Variants in ROBO1 observed in about 807,000 individuals in gnomAD.
ROBO1 encodes roundabout guidance receptor 1.
Under a neutral mutation model 195.9 loss-of-function variants are expected in ROBO1, and 149 were observed. The ratio of observed to expected loss-of-function variants is 0.76; its 90% CI spans 0.67 to 0.87. The LOEUF is 0.87. Among genes scored for constraint, ROBO1 ranks in the 40% least tolerant of loss-of-function variants. ROBO1 has a pLI of 0.00. For synonymous variants in ROBO1, 816 were observed against 733.2 expected (o/e 1.11, Z -1.82); for missense variants, 1,933 against 2,068.3 (o/e 0.93, Z 1.27).
intron 4 of ROBO1, among the ~76,000 whole-genome samples, chr3:78,878,461 T>C (rs915527989): frequency 6.6e-6 from 1 of 151,648 alleles, no homozygotes; most frequent in African/African-American, 2.4e-5. Context: ...GGTGGGTGCC[T>C]GTAATTCCAG....
At chr3:79,395,925 G>T (rs933099867) in intron 2 of ROBO1, among the ~76,000 whole-genome samples, 1 of 151,956 alleles carries the variant, frequency 6.6e-6, no homozygotes, top group Admixed American at 6.6e-5. Flanking sequence ...CTTTGCATTG[G>T]AAATGCTATA....
At chr3:79,740,038 A>G (rs1226847991) in intron 1 of ROBO1, among the ~76,000 whole-genome samples, 1 of 151,516 alleles carries the variant, frequency 6.6e-6, no homozygotes, top group Admixed American at 6.6e-5. Context: ...TTTATGACAT[A>G]GCATTTCTGA....
chr3:79,370,362 A>G (rs963207936), intron 2 of ROBO1, among the ~76,000 whole-genome samples: 2 of 152,062 alleles, frequency 1.3e-5, no homozygotes, highest in African/African-American at 4.8e-5. Context: ...TCTCAAGTAA[A>G]AAAAAAAGTT....
At chr3:79,611,468 CA>C (rs1473479319) in intron 1 of ROBO1, among the ~76,000 whole-genome samples, 1 of 152,008 alleles carries the variant, frequency 6.6e-6, no homozygotes. Context: ...GAAAGAATAG[CA>C]AAGACTTGGA....
At chr3:78,814,302 A>G (rs1334890342) in intron 4 of ROBO1, among the ~76,000 whole-genome samples, 2 of 152,100 alleles carry the variant, frequency 1.3e-5, no homozygotes, top group Non-Finnish European at 2.9e-5. Context: ...GTTGAAATTA[A>G]TTTTATATAT....
chr3:79,228,575 A>G (rs535867162), intron 2 of ROBO1, among the ~76,000 whole-genome samples: 10 of 152,256 alleles, frequency 6.6e-5, no homozygotes, highest in African/African-American at 2.2e-4. Context: ...GTTTATGTAT[A>G]AAGGCCACTG....
chr3:79,623,135 TCAACAA>T lies in ROBO1; in HGVS notation c.-50-33180_-50-33175del, dbSNP rs34450942. Among the ~76,000 whole-genome samples, 426 of 150,936 alleles carry T rather than the reference TCAACAA, an allele frequency of 2.8e-3. 3 individuals are homozygous for T. Among genetic ancestry groups the T allele is most frequent in the African/African-American group, 9.7e-3 (398 of 40,946 alleles). ...CCTACAGAAAGCAGTAACAATGGCA[TCAACAA>T]CAACAACAACAACAACAACAACAAA... On this transcript the variant is annotated intron_variant, in intron 1 of 30. Transcript: ENST00000464233.
chr3:79,329,632 G>A (rs2034350973), intron 2 of ROBO1, among the ~76,000 whole-genome samples: 1 of 152,126 alleles, frequency 6.6e-6, no homozygotes, highest in Non-Finnish European at 1.5e-5. Flanking sequence ...AAAGTGTGGG[G>A]TAGAGATGCT....
intron 4 of ROBO1, among the ~76,000 whole-genome samples, chr3:78,872,706 AGTTTTCAGGTTGTAACACTCAC>A (rs1416994826): frequency 6.6e-6 from 1 of 152,144 alleles, no homozygotes; most frequent in African/African-American, 2.4e-5. Context: ...AAAGCAGATG[AGTTTTCAGGTTGTAACACTCAC>A]GTTATCAGTA....
At chr3:79,337,740 A>G (rs2034735928) in intron 2 of ROBO1, among the ~76,000 whole-genome samples, 1 of 152,186 alleles carries the variant, frequency 6.6e-6, no homozygotes, top group South Asian at 2.1e-4. Flanking sequence ...AAGCCAATCA[A>G]TTTTCTTACA....
chr3:78,993,291 G>A (rs1339195683), intron 3 of ROBO1, among the ~76,000 whole-genome samples: 15 of 152,154 alleles, frequency 9.9e-5, no homozygotes, highest in Non-Finnish European at 2.9e-5. Context: ...ATACATACAT[G>A]CATACTTTCA....
intron 29 of ROBO1, among the ~76,000 whole-genome samples, chr3:78,600,973 A>T (rs1703137742): frequency 6.6e-6 from 1 of 152,094 alleles, no homozygotes; most frequent in Non-Finnish European, 1.5e-5. Context: ...TATTGTTGCT[A>T]ACTTCAATAA....
At chr3:78,648,542 C>A (rs1347808698) in intron 19 of ROBO1, among the ~76,000 whole-genome samples, 1 of 151,948 alleles carries the variant, frequency 6.6e-6, no homozygotes, top group Non-Finnish European at 1.5e-5. Context: ...AGCAGCCATT[C>A]CTCCCCCACT....
intron 2 of ROBO1, among the ~76,000 whole-genome samples, chr3:79,273,922 T>G (rs1172808260): frequency 6.6e-6 from 1 of 151,948 alleles, no homozygotes; most frequent in Non-Finnish European, 1.5e-5. Flanking sequence ...ACAAAGAAGA[T>G]CATTATCTAA....
At chr3:79,755,876 G>C (rs1011108108) in intron 1 of ROBO1, among the ~76,000 whole-genome samples, 1 of 152,136 alleles carries the variant, frequency 6.6e-6, no homozygotes, top group Non-Finnish European at 1.5e-5. Flanking sequence ...CCTTGATCTG[G>C]CAGTTTGCAT....
At chr3:79,206,010 T>C in intron 2 of ROBO1, among the ~76,000 whole-genome samples, 1 of 152,186 alleles carries the variant, frequency 6.6e-6, no homozygotes, top group East Asian at 1.9e-4. Flanking sequence ...AGGTTTCAGT[T>C]ACCTGTGGCC....
chr3:78,627,048 A>G (rs1338536290), intron 26 of ROBO1, among the ~76,000 whole-genome samples: 2 of 152,182 alleles, frequency 1.3e-5, no homozygotes, highest in African/African-American at 4.8e-5. Context: ...AACCATATAC[A>G]TGATCTCCAT....
chr3:78,934,141 C>A (rs2107661286), intron 4 of ROBO1, among the ~76,000 whole-genome samples: 1 of 151,844 alleles, frequency 6.6e-6, no homozygotes, highest in Non-Finnish European at 1.5e-5. Flanking sequence ...CAGTGTCTAA[C>A]CATAATGGAA....
chr3:78,856,370 T>C (rs946894185), intron 4 of ROBO1, among the ~76,000 whole-genome samples: 1 of 150,358 alleles, frequency 6.7e-6, no homozygotes, highest in South Asian at 2.1e-4. Flanking sequence ...TGAATAAACA[T>C]GTCACCAGAA....
Sources: gnomAD v4.1 joint callset for allele counts (sites outside exome capture counted in the v4.1 genomes callset) on GRCh38, gnomAD v4.1.1 for gene constraint, MANE v1.5 for transcripts, NCBI Gene and HGNC (gene_info 2026-07-23, HGNC 2026-07-21) for gene names.